Variants in VRK3 observed in about 807,000 individuals in gnomAD.
The protein encoded by VRK3 is VRK serine/threonine kinase 3.
Under a neutral mutation model 60.4 loss-of-function variants are expected in VRK3, and 50 were observed. The ratio of observed to expected loss-of-function variants is 0.83; its 90% CI spans 0.66 to 1.05. The LOEUF is 1.05. VRK3 is among the 50% of genes least tolerant of loss of function. The pLI is 0.00. For missense variants in VRK3, 549 were observed against 585.3 expected, an observed-to-expected ratio of 0.94 and a Z score of 0.64; for synonymous variants, 246 against 227.8, an observed-to-expected ratio of 1.08 and a Z score of -0.72.
chr19:49,983,785 T>C (rs528052185), intron 12 of VRK3, among the ~76,000 whole-genome samples: 9 of 152,284 alleles, frequency 5.9e-5, no homozygotes, highest in Non-Finnish European at 1.3e-4. Context: ...CACCTTAGGG[T>C]GCCAGGAAAC....
At chr19:49,977,913 A>G (rs1180432879) in intron 14 of VRK3, among the ~76,000 whole-genome samples, 1 of 152,156 alleles carries the variant, frequency 6.6e-6, no homozygotes, top group African/African-American at 2.4e-5. Flanking sequence ...CAGGTGCTCC[A>G]CGAATCGCTT....
chr19:50,001,041 T>A (rs1330985036), intron 5 of VRK3, 187 bp from the exon 6 acceptor site: 2 of 587,976 alleles, frequency 3.4e-6, no homozygotes, highest in Non-Finnish European at 6.0e-6. Context: ...TTTCTCTCTG[T>A]CACTATCCAG....
intron 6 of VRK3, chr19:49,998,755 G>A (rs1468407439): frequency 6.6e-6 from 1 of 151,720 alleles, no homozygotes; most frequent in African/African-American, 2.4e-5. Flanking sequence ...CCATCCCATA[G>A]GCTTGCTGAA....
At chr19:49,980,848 A>G in intron 13 of VRK3, 107 bp downstream of exon 13, 4 of 1,006,152 alleles carry the variant, frequency 4.0e-6, no homozygotes, top group Non-Finnish European at 5.8e-6. Context: ...TGCAATTTGG[A>G]AAACTAAAAA....
rs927289120 is a variant in VRK3, at chr19:49,989,650, T to C, written c.1085A>G (p.His362Arg). Reference sequence around the variant, plus strand: ...CCCTGGCCTCGTACCGCATCCCTTGTGCAGGTCCATGCTAATGAACTCAAG... The same window carrying C: ...CCCTGGCCTCGTACCGCATCCCTTGCGCAGGTCCATGCTAATGAACTCAAG... ...GDLEFISMDL[H>R]KGCGPSRRSD... The change falls in exon 11 of 15, where the codon CAC becomes CGC. Residue 362 changes from histidine (H) to arginine (R), a missense_variant. Transcript: ENST00000316763. The C allele has an allele frequency of 6.2e-7, 1 of 1,612,184 alleles. No individual in the cohort carries two copies. Among genetic ancestry groups the C allele is most frequent in the Middle Eastern group, 1.7e-4 (1 of 6,056 alleles).
At chr19:49,992,141 C>A (rs2076622333) in intron 10 of VRK3, among the ~76,000 whole-genome samples, 1 of 152,192 alleles carries the variant, frequency 6.6e-6, no homozygotes, top group African/African-American at 2.4e-5. Context: ...GGCACGGTGG[C>A]TCAGGCCTGT....
At chr19:49,978,766 A>C (rs754414687) in intron 14 of VRK3, 1 of 227,858 alleles carries the variant, frequency 4.4e-6, no homozygotes, top group African/African-American at 2.3e-5. Context: ...GAAGATGGCG[A>C]GAGACAAACA....
At chr19:49,978,264 C>T (rs1414713746) in intron 14 of VRK3, among the ~76,000 whole-genome samples, 2 of 152,184 alleles carry the variant, frequency 1.3e-5, no homozygotes, top group Non-Finnish European at 2.9e-5. Flanking sequence ...TCAGACAAAG[C>T]ACTGAGCTTT....
chr19:50,007,264 C>A (rs1393008481), intron 5 of VRK3, among the ~76,000 whole-genome samples: 1 of 152,210 alleles, frequency 6.6e-6, no homozygotes, highest in Non-Finnish European at 1.5e-5. Context: ...TGGGCCTGCA[C>A]TCCCACGTGA....
rs769668436 is a variant in VRK3, at chr19:50,007,850, G to A, written c.290-24C>T. The A allele has an allele frequency of 1.3e-5, 21 of 1,613,512 alleles. 1 individual carries two copies. The South Asian group carries it at 2.3e-4, about 18-fold the overall frequency. ...GCCTGCAGGAGGATGTAAGAATAAA[G>A]TAAAAGCACCATCCAGGAGAGAAAA... On this transcript the variant is annotated intron_variant, in intron 4 of 14. Coordinates refer to ENST00000316763, the MANE Select transcript of VRK3 (RefSeq NM_016440.4).
chr19:50,002,286 T>C (rs1225667283), intron 5 of VRK3, among the ~76,000 whole-genome samples: 1 of 149,486 alleles, frequency 6.7e-6, no homozygotes, highest in East Asian at 2.0e-4. Flanking sequence ...AAGCTCCAGC[T>C]GGAACAGGGT....
intron 7 of VRK3, among the ~76,000 whole-genome samples, 168 bp from the exon 8 acceptor site, chr19:49,995,443 G>C (rs368141142): frequency 6.6e-4 from 101 of 152,354 alleles, no homozygotes; most frequent in African/African-American, 2.3e-3. Context: ...TGGTGACAGG[G>C]CAGGCATGGG....
At chr19:49,996,347 G>A (rs1450426312) in intron 7 of VRK3, among the ~76,000 whole-genome samples, 1 of 151,554 alleles carries the variant, frequency 6.6e-6, no homozygotes, top group Non-Finnish European at 1.5e-5. Flanking sequence ...ATGAGCCACC[G>A]CGCCCGACTG....
intron 12 of VRK3, among the ~76,000 whole-genome samples, chr19:49,984,395 G>C (rs1282743106): frequency 6.6e-6 from 1 of 152,130 alleles, no homozygotes; most frequent in Non-Finnish European, 1.5e-5. Flanking sequence ...ACCAGGTCAG[G>C]CATCTCCCAG....
At chr19:50,017,329 C>T (rs2077094766) in intron 2 of VRK3, among the ~76,000 whole-genome samples, 1 of 152,010 alleles carries the variant, frequency 6.6e-6, no homozygotes, top group Admixed American at 6.5e-5. Flanking sequence ...AATCCCAGCA[C>T]TTTGGAAGGT....
chr19:50,004,473 C>T (rs766939473), intron 5 of VRK3, among the ~76,000 whole-genome samples: 3 of 152,200 alleles, frequency 2.0e-5, no homozygotes, highest in Non-Finnish European at 2.9e-5. Flanking sequence ...AGAGTGCCTG[C>T]GTTCAAATCC....
rs79434244 is a variant in VRK3 at position 49,979,742 on chromosome 19, C to T, written c.1277-500G>A. 9.4e-3 allele frequency among the ~76,000 whole-genome samples: 1,431 copies of T among 152,176 alleles called. 83 individuals are homozygous for T. In the East Asian group the frequency reaches 0.13, roughly 13 times the overall value. ...TGGGCAGCTGAGCCATAATCTGAAC[C>T]CAGGGATTTAAAGTAATTCAGCCGG... On this transcript the variant is annotated intron_variant, in intron 13 of 14. Transcript: ENST00000316763.
At position 50,016,028 on chromosome 19, in the gene VRK3, G is replaced by A. The variant is rs8103900; in HGVS notation, c.135C>T (p.Phe45=). Reference sequence around the variant, plus strand: ...GCTCAATGCTCTGGTTCTTACCTTGGAAGGATGACACATGTGGATTGACAA... The same window carrying A: ...GCTCAATGCTCTGGTTCTTACCTTGAAAGGATGACACATGTGGATTGACAA... ...QTFVNPHVSS[F]QGSKRGLNSS... is the part of the protein sequence containing the mutation. The change falls in exon 3 of 15, where the codon TTC becomes TTT. Residue 45 remains phenylalanine (F), a synonymous_variant. Coordinates refer to ENST00000316763, the MANE Select transcript of VRK3 (RefSeq NM_016440.4). 1.0e-3 allele frequency: 1,656 copies of A among 1,614,138 alleles called. 15 individuals are homozygous for A. In the African/African-American group the frequency reaches 0.018, roughly 17 times the overall value.
intron 11 of VRK3, 124 bp from the exon 12 acceptor site, chr19:49,988,616 G>A: frequency 2.3e-6 from 3 of 1,312,816 alleles, no homozygotes; most frequent in Non-Finnish European, 3.0e-6. Context: ...CAGCCTTCCA[G>A]CCATATGGGC....
Sources: allele counts gnomAD v4.1 joint callset (sites outside exome capture counted in the v4.1 genomes callset), GRCh38; gene constraint gnomAD v4.1.1; transcripts MANE v1.5; gene names NCBI Gene and HGNC (gene_info 2026-07-23, HGNC 2026-07-21).